Variants in MYO7B observed in about 807,000 individuals in gnomAD.
MYO7B encodes unconventional myosin-VIIb.
Under a neutral mutation model 259.7 loss-of-function variants are expected in MYO7B, and 212 were observed. That is an observed-to-expected ratio of 0.82 (90% confidence interval 0.73 to 0.91). MYO7B has a LOEUF of 0.91. Ranked by LOEUF, MYO7B falls within the 40% of genes least tolerant of loss-of-function variation. The pLI, the probability that MYO7B is intolerant of heterozygous loss-of-function variation, is 0.00. For missense variants in MYO7B, 2,732 were observed against 2,813.5 expected, an observed-to-expected ratio of 0.97 and a Z score of 0.66; for synonymous variants, 1,197 against 1,166.4, an observed-to-expected ratio of 1.03 and a Z score of -0.54.
In MYO7B at chr2:127,610,001, C is replaced by G; in HGVS notation, c.3177C>G (p.His1059Gln). 6.2e-7 allele frequency: 1 copy of G among 1,609,428 alleles called. No homozygotes were observed. Among genetic ancestry groups the G allele is most frequent in the Non-Finnish European group, 8.5e-7 (1 of 1,178,200 alleles). ...GREHGAQVPQ[H>Q]SRSAQRSGCK... ...AGCACGGTGCCCAGGTTCCACAGCA[C>G]AGTAGATCTGCACAGGCAAGTGGGG... The change falls in exon 24 of 48, where the codon CAC becomes CAG. Residue 1059 changes from histidine to glutamine, a missense_variant. His to Gln is a conservative substitution (Grantham distance 24, BLOSUM62 0). Around this residue, in one of 3 missense-constraint regions of MYO7B, gnomAD observed 1,906 missense variants for 2,026.4 expected, o/e 0.94. Transcript: ENST00000409816.
chr2:127,636,730 C>G lies in MYO7B; in HGVS notation c.6208-64C>G. ...GCGGTGTGTCCTGCCTCTCTCCTGT[C>G]CCCTAACACACACAGAGCCCGTGCT... On this transcript the variant is annotated intron_variant, in intron 46 of 47. Transcript: ENST00000409816. The surrounding 1 kb of genome is among the most constrained non-coding windows in gnomAD (Gnocchi z 4.5). The G allele has an allele frequency of 6.2e-7, 1 of 1,611,570 alleles. No individual in the cohort carries two copies. Among genetic ancestry groups the G allele is most frequent in the Non-Finnish European group, 8.5e-7 (1 of 1,178,762 alleles).
chr2:127,616,071 G>T (rs1032316940), intron 26 of MYO7B, among the ~76,000 whole-genome samples: 9 of 152,358 alleles, frequency 5.9e-5, no homozygotes, highest in African/African-American at 1.2e-4. Context: ...TGCCGTTGCT[G>T]AAGCATCCGC....
chr2:127,630,847 C>G lies in MYO7B; in HGVS notation c.4876C>G (p.Pro1626Ala). Residue 1626 changes from proline to alanine, a missense_variant, in exon 36 of 48, where the codon CCT becomes GCT. Pro to Ala is a conservative substitution (Grantham distance 27). Coordinates refer to ENST00000409816, the MANE Select transcript of MYO7B (RefSeq NM_001393586.1). ...GGAGGGGCAGTTCACAGAGCCACGTCCTGAGGAGCCACCCAAGGAAAAGCT... is the reference window on the plus strand; with the variant it reads ...GGAGGGGCAGTTCACAGAGCCACGTGCTGAGGAGCCACCCAAGGAAAAGCT... ...AQEGQFTEPR[P>A]EEPPKEKLHT... The G allele has an allele frequency of 6.2e-7, 1 of 1,612,352 alleles. No homozygotes were observed. The highest frequency in any genetic ancestry group is 8.5e-7 in the Non-Finnish European group (1 of 1,179,406).
chr2:127,636,492 G>T lies in MYO7B; in HGVS notation c.6124-53G>T. On this transcript the variant is annotated intron_variant, in intron 45 of 47. Transcript: ENST00000409816. The surrounding 1 kb of genome is among the most constrained non-coding windows in gnomAD (Gnocchi z 4.5). ...TGTGGCCTAGATGAGCTCCTGGGAG[G>T]TGCAGCCTGGCCTCCCGGGCTGGAC... The T allele has an allele frequency of 3.9e-6, 6 of 1,553,806 alleles. No homozygotes were observed. Among genetic ancestry groups the T allele is most frequent in the African/African-American group, 1.4e-5 (1 of 73,402 alleles).
At chr2:127,631,998 C>A (rs73953666) in intron 38 of MYO7B, among the ~76,000 whole-genome samples, 8 of 152,234 alleles carry the variant, frequency 5.3e-5, no homozygotes, top group African/African-American at 1.7e-4. Flanking sequence ...CAGGCCATGA[C>A]CTCTCTGAGC....
chr2:127,602,054 T>A (rs1024231215), intron 19 of MYO7B, among the ~76,000 whole-genome samples: 3 of 152,200 alleles, frequency 2.0e-5, no homozygotes, highest in Non-Finnish European at 2.9e-5. Context: ...TTTTTTCCTC[T>A]CTCCTTCGCA....
chr2:127,570,463 G>C (rs957470004), intron 6 of MYO7B, among the ~76,000 whole-genome samples: 1 of 152,226 alleles, frequency 6.6e-6, no homozygotes, highest in African/African-American at 2.4e-5. Flanking sequence ...GGAGCAAACT[G>C]CTCCTTAGAA....
In MYO7B at chr2:127,636,210, C is replaced by A; in HGVS notation, c.6009C>A (p.Ser2003Arg). 6.2e-7 allele frequency: 1 copy of A among 1,610,780 alleles called. No homozygotes were observed. The highest frequency in any genetic ancestry group is 8.5e-7 in the Non-Finnish European group (1 of 1,177,768). The change falls in exon 45 of 48, where the codon AGC becomes AGA. Residue 2003 changes from serine (S) to arginine (R), a missense_variant and splice_region_variant. Physicochemically the swap from Ser to Arg is moderately radical, Grantham distance 110 (BLOSUM62 -1). Coordinates refer to ENST00000409816, the MANE Select transcript of MYO7B (RefSeq NM_001393586.1). The surrounding 1 kb of genome is among the most constrained non-coding windows in gnomAD (Gnocchi z 4.5). Reference sequence around the variant, plus strand: ...TTACTGGCCCTCCTGTCCCCCAGAGCATCCTTCTAGCCTATGACAAGCATA... The same window carrying A: ...TTACTGGCCCTCCTGTCCCCCAGAGAATCCTTCTAGCCTATGACAAGCATA... ...RLMSSEEWKKSILLAYDKHKD... is the reference protein window; with the variant it reads ...RLMSSEEWKKRILLAYDKHKD...
At chr2:127,573,424 T>C (rs1418472963) in intron 6 of MYO7B, among the ~76,000 whole-genome samples, 3 of 152,228 alleles carry the variant, frequency 2.0e-5, no homozygotes, top group Admixed American at 6.5e-5. Context: ...CACTTCCGTG[T>C]GCCCTGGCCT....
intron 2 of MYO7B, among the ~76,000 whole-genome samples, chr2:127,560,809 C>A (rs933306422): frequency 2.6e-5 from 4 of 152,182 alleles, no homozygotes; most frequent in Admixed American, 2.6e-4. Flanking sequence ...GAGTGCAAAG[C>A]CACACAGGAC....
chr2:127,629,951 A>G (rs891058612), intron 35 of MYO7B, 125 bp downstream of exon 35: 2 of 1,042,468 alleles, frequency 1.9e-6, no homozygotes, highest in African/African-American at 3.3e-5. Context: ...CAGGAGGGCC[A>G]CCCGGGCAGC....
In MYO7B at chr2:127,625,451, G is replaced by A. The variant is rs891110251; in HGVS notation, c.4131G>A (p.Leu1377=). 1.2e-6 allele frequency: 2 copies of A among 1,612,160 alleles called. No individual in the cohort carries two copies. The highest frequency in any genetic ancestry group is 2.7e-5 in the African/African-American group (2 of 74,916). The change falls in exon 31 of 48, where the codon CTG becomes CTA. Residue 1377 remains leucine, a synonymous_variant. Transcript: ENST00000409816. Reference sequence around the variant, plus strand: ...CAGAGAGCAAGGCTGTCCAGGAGCTGCTGCCCAGCTGCATCCCCCACAAGC... The same window carrying A: ...CAGAGAGCAAGGCTGTCCAGGAGCTACTGCCCAGCTGCATCCCCCACAAGC... The part of the protein sequence containing the change: ...ASAESKAVQE[L]LPSCIPHKLY...
At chr2:127,582,084 G>C in intron 11 of MYO7B, 74 bp downstream of exon 11, 1 of 1,601,792 alleles carries the variant, frequency 6.2e-7, no homozygotes, top group Non-Finnish European at 8.5e-7. Context: ...TGCCGGTGGA[G>C]GGCAGGATGG....
At chr2:127,592,733 G>C in intron 16 of MYO7B, 61 bp from the exon 17 acceptor site, 1 of 1,560,170 alleles carries the variant, frequency 6.4e-7, no homozygotes, top group African/African-American at 1.4e-5. Context: ...TGGGGTGCCG[G>C]GAAGGGGGGT....
At chr2:127,618,374 C>T (rs1680672587) in intron 26 of MYO7B, among the ~76,000 whole-genome samples, 1 of 152,166 alleles carries the variant, frequency 6.6e-6, no homozygotes, top group African/African-American at 2.4e-5. Flanking sequence ...CCCCAAGCTT[C>T]TTCAGCCCTT....
chr2:127,563,742 A>T lies in MYO7B; in HGVS notation c.19-411A>T, dbSNP rs137917349. On this transcript the variant is annotated intron_variant, in intron 2 of 47. Transcript: ENST00000409816. ...CTTCTAGTGCTCGTTTCTGTTTCTC[A>T]TCCTCCTATTGCTTGTGGGTGATTT... Among the ~76,000 whole-genome samples the T allele has an allele frequency of 2.0e-3, 304 of 152,198 alleles. 3 individuals carry two copies. The highest frequency in any genetic ancestry group is 7.0e-3 in the African/African-American group (290 of 41,522).
chr2:127,574,143 C>G, intron 7 of MYO7B, 81 bp downstream of exon 7: 1 of 1,545,582 alleles, frequency 6.5e-7, no homozygotes, highest in Non-Finnish European at 8.8e-7. Flanking sequence ...ACTCTCACCT[C>G]TCCTCCCCTC....
intron 38 of MYO7B, 114 bp downstream of exon 38, chr2:127,631,867 C>A: frequency 7.4e-7 from 1 of 1,346,550 alleles, no homozygotes; most frequent in Non-Finnish European, 1.0e-6. Flanking sequence ...GAACCCCTGC[C>A]TGGGCTCCTG....
chr2:127,631,920 A>ATG (rs1238905834), intron 38 of MYO7B, among the ~76,000 whole-genome samples, 167 bp downstream of exon 38: 3 of 152,166 alleles, frequency 2.0e-5, no homozygotes, highest in Non-Finnish European at 4.4e-5. Context: ...TGCTCTGCTG[A>ATG]TGTCCTAGGG....
Sources: allele counts gnomAD v4.1 joint callset (sites outside exome capture counted in the v4.1 genomes callset), GRCh38; gene constraint gnomAD v4.1.1; regional missense constraint gnomAD v4.1.1; non-coding constraint Gnocchi (gnomAD v3.1); transcripts MANE v1.5; gene names NCBI Gene and HGNC (gene_info 2026-07-23, HGNC 2026-07-21).